Variants in GPC5 observed in about 807,000 individuals in gnomAD.
GPC5 encodes the protein glypican-5.
GPC5 carries 47 observed loss-of-function variants against 53.9 expected under a neutral mutation model. That is an observed-to-expected ratio of 0.87 (90% CI 0.69 to 1.11). The LOEUF (loss-of-function observed/expected upper bound fraction) is 1.11, where lower values mean the gene tolerates loss of function less well. GPC5 is among the 50% of genes most tolerant of loss of function. The pLI, the probability that GPC5 is intolerant of heterozygous loss-of-function variation, is 0.00. For synonymous variants in GPC5, 286 were observed against 263.3 expected (o/e 1.09, Z -0.84); for missense variants, 748 against 713.1 (o/e 1.05, Z -0.56).
chr13:91,410,098 A>G (rs538355941), intron 1 of GPC5, among the ~76,000 whole-genome samples: 17 of 152,246 alleles, frequency 1.1e-4, no homozygotes, highest in African/African-American at 4.1e-4. Context: ...TACCTATGTG[A>G]CCTTTAGCAA....
chr13:91,943,953 A>G (rs2039951434), intron 6 of GPC5, among the ~76,000 whole-genome samples: 1 of 152,112 alleles, frequency 6.6e-6, no homozygotes, highest in Non-Finnish European at 1.5e-5. Context: ...GTTGATTACA[A>G]CTCAAAATAT....
At chr13:92,602,814 A>T (rs1172620912) in intron 7 of GPC5, among the ~76,000 whole-genome samples, 2 of 152,160 alleles carry the variant, frequency 1.3e-5, no homozygotes, top group Non-Finnish European at 2.9e-5. Context: ...AAAAAGACAC[A>T]CAAGACTCAG....
intron 6 of GPC5, among the ~76,000 whole-genome samples, chr13:92,059,253 GGAGGGTAATTACC>G (rs1566417133): frequency 6.6e-6 from 1 of 151,322 alleles, no homozygotes; most frequent in African/African-American, 2.5e-5. Flanking sequence ...GCACACATCT[GGAGGGTAATTACC>G]CATTATATAG....
intron 7 of GPC5, among the ~76,000 whole-genome samples, chr13:92,810,941 T>C (rs1416348951): frequency 9.2e-5 from 14 of 151,858 alleles, no homozygotes; most frequent in African/African-American, 3.2e-4. Context: ...AGGATGGTCT[T>C]GATCTCCTGA....
intron 7 of GPC5, among the ~76,000 whole-genome samples, chr13:92,623,602 C>T (rs974037769): frequency 2.0e-5 from 3 of 152,054 alleles, no homozygotes; most frequent in Non-Finnish European, 2.9e-5. Context: ...CTGCAAGTTA[C>T]GTTAGTGGAT....
At chr13:91,832,125 T>C (rs1424286903) in intron 5 of GPC5, among the ~76,000 whole-genome samples, 1 of 151,914 alleles carries the variant, frequency 6.6e-6, no homozygotes, top group East Asian at 1.9e-4. Flanking sequence ...AGAACTTGCT[T>C]TTTGAATCTG....
rs766178206 is a variant in GPC5, at chr13:91,728,620, A to G, written c.1109A>G (p.Lys370Arg). 3.1e-6 allele frequency: 5 copies of G among 1,613,360 alleles called. No individual in the cohort carries two copies. In the African/African-American group the frequency reaches 5.3e-5, roughly 17 times the overall value. ...FDQSKEKHGM[K>R]TTTRNSEETL... ...CAGAGCAAAGAGAAGCATGGAATGA[A>G]GACCACCACAAGGAACAGTGAAGAG... The change falls in exon 4 of 8, where the codon AAG becomes AGG. Residue 370 changes from lysine (K) to arginine (R), a missense_variant. Physicochemically the swap from Lys to Arg is conservative, Grantham distance 26 (BLOSUM62 2). Coordinates refer to ENST00000377067, the MANE Select transcript of GPC5 (RefSeq NM_004466.6).
In GPC5 at chr13:91,691,876, A is replaced by G. The variant is rs151130943; in HGVS notation, c.326-1311A>G. Among the ~76,000 whole-genome samples the G allele has an allele frequency of 7.5e-3, 1,145 of 152,238 alleles. 20 individuals are homozygous for G. The highest frequency in any genetic ancestry group is 0.026 in the African/African-American group (1,088 of 41,532). ...CTAAGTTATTGCGTGATCTTTTACAACCTAATTAAAAGTGACTATACGGTT... is the reference window on the plus strand; with the variant it reads ...CTAAGTTATTGCGTGATCTTTTACAGCCTAATTAAAAGTGACTATACGGTT... On this transcript the variant is annotated intron_variant, in intron 2 of 7. Coordinates refer to ENST00000377067, the MANE Select transcript of GPC5 (RefSeq NM_004466.6).
At position 91,867,716 on chromosome 13, in the gene GPC5, C is replaced by T. The variant is rs375298121; in HGVS notation, c.1281-40221C>T. On this transcript the variant is annotated intron_variant, in intron 5 of 7. Transcript: ENST00000377067. ...TTATTGATTTAATAATGTAAATTCA[C>T]GAGGGATGGATGGTTTAGAAGTTTA... is the stretch of plus-strand genomic sequence containing the variant. 1.2e-4 allele frequency among the ~76,000 whole-genome samples: 19 copies of T among 152,060 alleles called. No individual in the cohort carries two copies. In the East Asian group the frequency reaches 3.5e-3, roughly 28 times the overall value.
chr13:91,592,828 G>T (rs543181946), intron 2 of GPC5, among the ~76,000 whole-genome samples: 1 of 152,312 alleles, frequency 6.6e-6, no homozygotes, highest in East Asian at 1.9e-4. Context: ...GGGCAGCCAG[G>T]CAGGTGCCGT....
chr13:91,968,748 C>T (rs1405665148), intron 6 of GPC5, among the ~76,000 whole-genome samples: 1 of 152,090 alleles, frequency 6.6e-6, no homozygotes, highest in African/African-American at 2.4e-5. Context: ...AGGCGTGAGC[C>T]ACTGCGCCCG....
At chr13:92,526,930 G>A (rs1011060980) in intron 7 of GPC5, among the ~76,000 whole-genome samples, 8 of 151,246 alleles carry the variant, frequency 5.3e-5, no homozygotes, top group African/African-American at 9.7e-5. Context: ...AGATGCAAAA[G>A]TACAGATGAG....
intron 1 of GPC5, among the ~76,000 whole-genome samples, chr13:91,443,262 G>T (rs9560795): frequency 0.46 from 69,118 of 151,794 alleles, 16,404 homozygotes; most frequent in Middle Eastern, 0.56. Context: ...AGGCCACAAG[G>T]GTAGGACCTT....
intron 7 of GPC5, among the ~76,000 whole-genome samples, chr13:92,302,995 A>G (rs1187382493): frequency 6.6e-6 from 1 of 152,166 alleles, no homozygotes; most frequent in African/African-American, 2.4e-5. Flanking sequence ...ATCCAAAATT[A>G]CTTTATCACT....
chr13:92,490,501 G>A (rs1219446135), intron 7 of GPC5, among the ~76,000 whole-genome samples: 1 of 152,066 alleles, frequency 6.6e-6, no homozygotes, highest in Non-Finnish European at 1.5e-5. Context: ...GCCTTTAGAG[G>A]TGGAAGACTG....
intron 5 of GPC5, among the ~76,000 whole-genome samples, chr13:91,842,029 G>A (rs1212644601): frequency 2.0e-5 from 3 of 152,164 alleles, no homozygotes; most frequent in Non-Finnish European, 2.9e-5. Context: ...GCATAGACAC[G>A]GCTTTATTGT....
chr13:92,379,049 A>G (rs2043717167), intron 7 of GPC5, among the ~76,000 whole-genome samples: 1 of 152,222 alleles, frequency 6.6e-6, no homozygotes, highest in Non-Finnish European at 1.5e-5. Context: ...AAATGAGGTA[A>G]CCCAGTTTTG....
intron 7 of GPC5, chr13:92,447,017 A>T (rs1877856207): frequency 6.6e-6 from 1 of 152,158 alleles, no homozygotes; most frequent in African/African-American, 2.4e-5. Context: ...AGGTTCTTAC[A>T]TATTCTGGTT....
intron 7 of GPC5, among the ~76,000 whole-genome samples, chr13:92,634,241 A>G (rs1269379127): frequency 6.6e-6 from 1 of 152,094 alleles, no homozygotes; most frequent in Admixed American, 6.5e-5. Context: ...ACATAATTCC[A>G]AGATTACCTT....
Sources: gnomAD v4.1 joint callset for allele counts (sites outside exome capture counted in the v4.1 genomes callset) on GRCh38, gnomAD v4.1.1 for gene constraint, MANE v1.5 for transcripts, NCBI Gene and HGNC (gene_info 2026-07-23, HGNC 2026-07-21) for gene names.